The following PTPN12 variants were observed in gnomAD, a reference collection of about 807,000 sequenced individuals.
The protein encoded by PTPN12 is protein tyrosine phosphatase non-receptor type 12.
Under a neutral mutation model 97.6 loss-of-function variants are expected in PTPN12, and 29 were observed. The ratio of observed to expected loss-of-function variants is 0.30; its 90% CI spans 0.22 to 0.41. PTPN12 has a LOEUF of 0.41. PTPN12 is among the 10% of genes least tolerant of loss of function. PTPN12 has a pLI of 1.00. For missense variants in PTPN12, 819 were observed against 926.0 expected, an observed-to-expected ratio of 0.88 and a Z score of 1.50; for synonymous variants, 327 against 300.4, an observed-to-expected ratio of 1.09 and a Z score of -0.91.
At chr7:77,569,166 T>C (rs537982799) in intron 1 of PTPN12, among the ~76,000 whole-genome samples, 1 of 152,294 alleles carries the variant, frequency 6.6e-6, no homozygotes, top group South Asian at 2.1e-4. Flanking sequence ...ACACATACTT[T>C]GTTAATAGTT....
At chr7:77,608,735 G>GCCC (rs761969662) in intron 9 of PTPN12, among the ~76,000 whole-genome samples, 2 of 151,904 alleles carry the variant, frequency 1.3e-5, no homozygotes, top group Non-Finnish European at 2.9e-5. Context: ...TCCTTAAAAA[G>GCCC]CCCTCTGGGG....
chr7:77,587,017 T>C (rs894111026), intron 5 of PTPN12, among the ~76,000 whole-genome samples: 5 of 152,174 alleles, frequency 3.3e-5, no homozygotes, highest in Non-Finnish European at 7.3e-5. Flanking sequence ...ACTGAAGTCT[T>C]GAACCTCTCA....
chr7:77,630,110 T>G (rs1167047799), intron 13 of PTPN12, among the ~76,000 whole-genome samples: 1 of 152,224 alleles, frequency 6.6e-6, no homozygotes, highest in Non-Finnish European at 1.5e-5. Flanking sequence ...TAACCGAAGA[T>G]TTTCCTGTGT....
At chr7:77,625,856 C>T (rs746316465) in intron 12 of PTPN12, among the ~76,000 whole-genome samples, 1 of 151,920 alleles carries the variant, frequency 6.6e-6, no homozygotes, top group Non-Finnish European at 1.5e-5. Context: ...AGGCGTGAGC[C>T]ACCATGCCTG....
Position 77,611,437 on chromosome 7 carries a change from G to GCTTTT in PTPN12, c.939+407_939+411dup, listed in dbSNP as rs1365927343. Among the ~76,000 whole-genome samples, 20 of 151,930 alleles carry GCTTTT rather than the reference G, an allele frequency of 1.3e-4. No individual in the cohort carries two copies. In the South Asian group the frequency reaches 2.7e-3, roughly 21 times the overall value. ...AAGTGTTTTAGTTATTTGTGTATAT[G>GCTTTT]CTTTTCTTTTCTTTTCTTTTTTTTG... is the stretch of plus-strand genomic sequence containing the variant. On this transcript the variant is annotated intron_variant, in intron 11 of 17. Coordinates refer to ENST00000248594, the MANE Select transcript of PTPN12 (RefSeq NM_002835.4).
intron 6 of PTPN12, among the ~76,000 whole-genome samples, chr7:77,593,023 C>CT (rs1487781296): frequency 6.6e-6 from 1 of 152,164 alleles, no homozygotes; most frequent in Admixed American, 6.5e-5. Context: ...TATCCTACCA[C>CT]TTTGAGAGGC....
chr7:77,574,975 G>A (rs1787292721), intron 2 of PTPN12, among the ~76,000 whole-genome samples: 2 of 151,838 alleles, frequency 1.3e-5, no homozygotes, highest in Admixed American at 1.3e-4. Flanking sequence ...GGGATTACAA[G>A]CACCTGCCAC....
intron 2 of PTPN12, among the ~76,000 whole-genome samples, chr7:77,580,342 TAG>T (rs1418314033): frequency 2.8e-4 from 42 of 152,304 alleles, no homozygotes; most frequent in Middle Eastern, 3.4e-3. Context: ...TTTAAAATAA[TAG>T]TAAAAATAAT....
At chr7:77,575,886 C>T (rs763773107) in intron 2 of PTPN12, among the ~76,000 whole-genome samples, 1 of 152,068 alleles carries the variant, frequency 6.6e-6, no homozygotes, top group Admixed American at 6.5e-5. Context: ...AAGTCTCATT[C>T]TGTTGCCCAG....
At chr7:77,621,493 A>C (rs984450966) in intron 12 of PTPN12, among the ~76,000 whole-genome samples, 2 of 152,020 alleles carry the variant, frequency 1.3e-5, no homozygotes, top group Non-Finnish European at 2.9e-5. Context: ...CCATAGCGAA[A>C]CCCTGTGTCT....
At chr7:77,608,908 ACATTTGGT>A (rs1362718423) in intron 9 of PTPN12, among the ~76,000 whole-genome samples, 5 of 152,194 alleles carry the variant, frequency 3.3e-5, no homozygotes, top group Admixed American at 3.3e-4. Flanking sequence ...AACAAAACAA[ACATTTGGT>A]CATTTTAAAA....
chr7:77,638,210 G>A (rs967416873), intron 16 of PTPN12, among the ~76,000 whole-genome samples: 3 of 151,306 alleles, frequency 2.0e-5, no homozygotes, highest in African/African-American at 4.9e-5. Flanking sequence ...GGCTCGCCTC[G>A]GCCTCCCAAA....
chr7:77,632,629 C>G (rs954790612), intron 14 of PTPN12, among the ~76,000 whole-genome samples: 1 of 152,140 alleles, frequency 6.6e-6, no homozygotes, highest in Non-Finnish European at 1.5e-5. Flanking sequence ...GAAATTACTG[C>G]ATTTATGTTA....
At chr7:77,636,098 T>C (rs975552198) in intron 15 of PTPN12, among the ~76,000 whole-genome samples, 11 of 152,168 alleles carry the variant, frequency 7.2e-5, no homozygotes, top group Non-Finnish European at 1.5e-4. Flanking sequence ...CAAGCTGTTT[T>C]TGAAATATGT....
chr7:77,575,451 TGAAC>T (rs1324289145), intron 2 of PTPN12, among the ~76,000 whole-genome samples: 1 of 152,116 alleles, frequency 6.6e-6, no homozygotes, highest in Non-Finnish European at 1.5e-5. Context: ...AAGGCTGCAG[TGAAC>T]TATGATTGCA....
intron 9 of PTPN12, 59 bp from the exon 10 acceptor site, chr7:77,610,706 A>C: frequency 2.0e-6 from 3 of 1,491,946 alleles, no homozygotes; most frequent in South Asian, 1.2e-5. Context: ...AAGCTGAAGA[A>C]GATTTTACTA....
intron 6 of PTPN12, among the ~76,000 whole-genome samples, chr7:77,593,184 G>T (rs1043222243): frequency 6.6e-6 from 1 of 151,676 alleles, no homozygotes; most frequent in African/African-American, 2.4e-5. Flanking sequence ...CACGAGAATT[G>T]CTTGAATCTG....
At chr7:77,619,478 A>G (rs912106265) in intron 12 of PTPN12, among the ~76,000 whole-genome samples, 7 of 152,184 alleles carry the variant, frequency 4.6e-5, no homozygotes, top group Admixed American at 2.0e-4. Context: ...ATCCCTGCAC[A>G]CCACAGGAAT....
intron 1 of PTPN12, among the ~76,000 whole-genome samples, chr7:77,551,342 T>G (rs1404180014): frequency 2.0e-5 from 3 of 152,252 alleles, no homozygotes; most frequent in Non-Finnish European, 4.4e-5. Flanking sequence ...ATTACAGGCA[T>G]GACAGTTTAA....
Sources: gnomAD v4.1 joint callset for allele counts (sites outside exome capture counted in the v4.1 genomes callset) on GRCh38, gnomAD v4.1.1 for gene constraint, MANE v1.5 for transcripts, NCBI Gene and HGNC (gene_info 2026-07-23, HGNC 2026-07-21) for gene names.